ZFHX3: variants seen among roughly 807,000 people sequenced by gnomAD.
The protein encoded by ZFHX3 is zinc finger homeobox 3.
ZFHX3 carries 42 observed loss-of-function variants against 279.1 expected under a neutral mutation model. The observed-to-expected ratio is 0.15, with a 90% CI of 0.12 to 0.19. ZFHX3 has a LOEUF of 0.19. Among genes scored for constraint, ZFHX3 ranks in the 10% least tolerant of loss-of-function variants. The pLI, the probability that ZFHX3 is intolerant of heterozygous loss-of-function variation, is 1.00. For synonymous variants in ZFHX3, 2,293 were observed against 1,957.8 expected (o/e 1.17, Z -4.52); for missense variants, 4,981 against 4,754.0 (o/e 1.05, Z -1.40).
intron 3 of ZFHX3, among the ~76,000 whole-genome samples, chr16:72,911,499 G>A (rs749077209): frequency 6.6e-6 from 1 of 152,098 alleles, no homozygotes; most frequent in Non-Finnish European, 1.5e-5. Context: ...ATGCAGTGGC[G>A]AAATCAGTTT....
intron 3 of ZFHX3, among the ~76,000 whole-genome samples, chr16:73,447,664 A>G (rs1298265012): frequency 6.6e-6 from 1 of 152,196 alleles, no homozygotes; most frequent in Non-Finnish European, 1.5e-5. Context: ...GACCCAATAC[A>G]GACAACAGAT....
rs116870968 is a variant in ZFHX3, at chr16:73,341,675, A to G, written c.-1290-23339T>C. Among the ~76,000 whole-genome samples the G allele has an allele frequency of 6.1e-3, 924 of 152,346 alleles. 4 individuals carry two copies. The highest frequency in any genetic ancestry group is 0.024 in the Middle Eastern group (7 of 294). On this transcript the variant is annotated intron_variant, in intron 3 of 17. Transcript: ENST00000641206. The stretch of plus-strand genomic sequence containing the variant: ...CTAATGGTGGAAACAACTTAAATAG[A>G]TAACAGATAAATGGATAAATTCCAC...
intron 2 of ZFHX3, among the ~76,000 whole-genome samples, chr16:73,672,630 A>G (rs905001650): frequency 3.9e-5 from 5 of 129,360 alleles, no homozygotes; most frequent in Non-Finnish European, 8.5e-5. Flanking sequence ...TTATTTTTCG[A>G]AAGAATAATA....
chr16:73,331,262 A>G (rs998875607), intron 3 of ZFHX3, among the ~76,000 whole-genome samples: 8 of 152,078 alleles, frequency 5.3e-5, no homozygotes, highest in African/African-American at 1.9e-4. Context: ...CCATAATCTA[A>G]TCACCTCCCA....
intron 2 of ZFHX3, among the ~76,000 whole-genome samples, chr16:73,617,449 G>C (rs1344313793): frequency 1.3e-5 from 2 of 152,292 alleles, no homozygotes; most frequent in Non-Finnish European, 2.9e-5. Flanking sequence ...TAAATAGGTA[G>C]TCCTGATAGC....
At chr16:73,766,635 C>T (rs555761792) in intron 1 of ZFHX3, among the ~76,000 whole-genome samples, 2 of 152,100 alleles carry the variant, frequency 1.3e-5, no homozygotes, top group South Asian at 2.1e-4. Context: ...AAGAATGATG[C>T]GGGATGTTGG....
Position 73,336,720 on chromosome 16 carries a change from A to G in ZFHX3, c.-1290-18384T>C, listed in dbSNP as rs530192441. Among the ~76,000 whole-genome samples, 30 of 152,216 alleles carry G rather than the reference A, an allele frequency of 2.0e-4. No homozygotes were observed. The South Asian group carries it at 5.8e-3, about 29-fold the overall frequency. Reference sequence around the variant, plus strand: ...ATACGTGCACATGTGTCTTTAGGGTACAATCATTGAAGCCTCTTAACAATT... The same window carrying G: ...ATACGTGCACATGTGTCTTTAGGGTGCAATCATTGAAGCCTCTTAACAATT... On this transcript the variant is annotated intron_variant, in intron 3 of 17. Coordinates refer to the ZFHX3 transcript ENST00000641206.
chr16:73,639,641 C>T (rs1162083953), intron 2 of ZFHX3, among the ~76,000 whole-genome samples: 1 of 152,118 alleles, frequency 6.6e-6, no homozygotes, highest in African/African-American at 2.4e-5. Flanking sequence ...AATTTAATGG[C>T]ATTAAAAGCA....
intron 2 of ZFHX3, among the ~76,000 whole-genome samples, chr16:73,582,949 C>T (rs1597011348): frequency 6.6e-6 from 1 of 152,284 alleles, no homozygotes; most frequent in East Asian, 1.9e-4. Flanking sequence ...TGTTGTACTG[C>T]CTTGTTTTAA....
At position 72,795,427 on chromosome 16, in the gene ZFHX3, A is replaced by C. The variant is rs777506031; in HGVS notation, c.7255T>G (p.Phe2419Val). The change falls in exon 9 of 10, where the codon TTC becomes GTC. Residue 2419 changes from phenylalanine to valine, a missense_variant. By Grantham distance (50) the Phe-to-Val change is conservative. Transcript: ENST00000268489. ...LTAEAEELAT[F>V]NSKTEAGDEK... ...TCGCCTGCCTCTGTTTTTGAATTGA[A>C]GGTGGCCAGTTCCTCAGCCTCCGCT... 2.2e-5 allele frequency: 36 copies of C among 1,614,082 alleles called. 1 individual carries two copies. Among genetic ancestry groups the C allele is most frequent in the Admixed American group, 3.3e-5 (2 of 60,010 alleles).
intron 7 of ZFHX3, among the ~76,000 whole-genome samples, chr16:72,808,557 A>C (rs925911635): frequency 2.6e-5 from 4 of 152,314 alleles, no homozygotes; most frequent in African/African-American, 9.6e-5. Context: ...TCCTGAATCC[A>C]TTGACTTTCC....
At chr16:73,112,438 C>T (rs1310282159) in intron 7 of ZFHX3, among the ~76,000 whole-genome samples, 1 of 152,060 alleles carries the variant, frequency 6.6e-6, no homozygotes, top group African/African-American at 2.4e-5. Context: ...AAAGGCCGAA[C>T]CCAGTGGCTG....
chr16:72,839,897 G>C (rs533593782), intron 4 of ZFHX3, among the ~76,000 whole-genome samples: 4 of 152,118 alleles, frequency 2.6e-5, no homozygotes, highest in Non-Finnish European at 5.9e-5. Flanking sequence ...AACATTCCAG[G>C]TGTGAGGCTG....
In ZFHX3 at chr16:73,534,224, A is replaced by G. The variant is rs545942373; in HGVS notation, c.-1546-77966T>C. On this transcript the variant is annotated intron_variant, in intron 2 of 17. Transcript: ENST00000641206. Reference sequence around the variant, plus strand: ...AATGTTTCTTTAACACACAAAGTATACTTCCACTTTAGGGCCTTTGTACTT... The same window carrying G: ...AATGTTTCTTTAACACACAAAGTATGCTTCCACTTTAGGGCCTTTGTACTT... 5.8e-4 allele frequency among the ~76,000 whole-genome samples: 89 copies of G among 152,212 alleles called. 1 individual carries two copies. The highest frequency in any genetic ancestry group is 2.0e-3 in the African/African-American group (85 of 41,562).
At chr16:73,054,813 T>C (rs2144732260) in intron 1 of ZFHX3, among the ~76,000 whole-genome samples, 1 of 152,208 alleles carries the variant, frequency 6.6e-6, no homozygotes, top group Non-Finnish European at 1.5e-5. Flanking sequence ...AGACTGTAAA[T>C]CTATAACCAC....
chr16:73,053,252 T>G (rs931768017), intron 1 of ZFHX3, among the ~76,000 whole-genome samples: 2 of 152,112 alleles, frequency 1.3e-5, no homozygotes, highest in Non-Finnish European at 2.9e-5. Flanking sequence ...GACACTATAG[T>G]CATTTTTAGT....
rs185540717 is a variant in ZFHX3 at position 73,084,552 on chromosome 16, G to A, written c.-533+8683C>T. Among the ~76,000 whole-genome samples the A allele has an allele frequency of 2.1e-3, 225 of 109,512 alleles. No individual in the cohort carries two copies. The Middle Eastern group carries it at 0.028, about 14-fold the overall frequency. 71.8% of individuals were successfully genotyped at this position (109,512 alleles called of 152,430 possible). A position where few individuals can be genotyped will look rare whatever the true frequency, so the allele number is the denominator to read the frequency against. Reference sequence around the variant, plus strand: ...TTTTTTTTTTTTGAGATGGAGTCTTGCTCTGTCACCCAGGCTGGAGTGCAG... The same window carrying A: ...TTTTTTTTTTTTGAGATGGAGTCTTACTCTGTCACCCAGGCTGGAGTGCAG... On this transcript the variant is annotated intron_variant, in intron 8 of 17. Transcript: ENST00000641206.
At chr16:72,863,449 T>C (rs1757996128) in intron 4 of ZFHX3, among the ~76,000 whole-genome samples, 1 of 149,370 alleles carries the variant, frequency 6.7e-6, no homozygotes, top group African/African-American at 2.5e-5. Flanking sequence ...GCCTGGAAGA[T>C]CAAGGCTGTA....
chr16:73,203,838 G>A (rs565101459), intron 5 of ZFHX3, among the ~76,000 whole-genome samples: 4 of 152,320 alleles, frequency 2.6e-5, no homozygotes, highest in African/African-American at 9.6e-5. Flanking sequence ...TTGAGCCAGT[G>A]ACAATTGTCC....
Sources: allele counts gnomAD v4.1 joint callset (sites outside exome capture counted in the v4.1 genomes callset), GRCh38; gene constraint gnomAD v4.1.1; transcripts MANE v1.5; gene names NCBI Gene and HGNC (gene_info 2026-07-23, HGNC 2026-07-21).